Variants in LRRC53 observed in about 807,000 individuals in gnomAD.
LRRC53 encodes the protein leucine rich repeat containing 53.
A neutral mutation model predicts 13.6 loss-of-function variants in LRRC53; 25 were observed. The ratio of observed to expected loss-of-function variants is 1.83; its 90% confidence interval spans 1.34 to 2.56. The LOEUF (loss-of-function observed/expected upper bound fraction) is 2.56, where lower values mean the gene tolerates loss of function less well. Among genes scored for constraint, LRRC53 ranks in the 30% most tolerant of loss-of-function variants. The pLI is 0.00. For synonymous variants in LRRC53, 204 were observed against 109.8 expected (o/e 1.86, Z -5.37); for missense variants, 527 against 275.8 (o/e 1.91, Z -6.45).
At chr1:74,527,765 C>A in the LRRC53 span, among the ~76,000 whole-genome samples, 1 of 152,136 alleles carries the variant, frequency 6.6e-6, no homozygotes, top group African/African-American at 2.4e-5. Flanking sequence ...TTATCTCTTC[C>A]CTTCCCTTCA....
the LRRC53 span, among the ~76,000 whole-genome samples, chr1:74,519,642 A>G: frequency 4.3e-4 from 66 of 152,258 alleles, no homozygotes; most frequent in African/African-American, 1.5e-3. Flanking sequence ...TAGAGATAAA[A>G]ACTTCTAAGA....
Position 74,470,643 on chromosome 1 carries a change from A to G in LRRC53, c.2979T>C (p.Asp993=), listed in dbSNP as rs183576719. ...ENCIMDKEEN[D]VEKKLSKTET... is the part of the protein sequence containing the mutation. Reference sequence around the variant, plus strand: ...CTGTTTTTGAAAGTTTTTTTTCTACATCATTTTCTTCCTTATCCATAATAC... The same window carrying G: ...CTGTTTTTGAAAGTTTTTTTTCTACGTCATTTTCTTCCTTATCCATAATAC... Residue 993 remains aspartate (D), a synonymous_variant, in exon 5 of 5, where the codon GAT becomes GAC. Coordinates refer to ENST00000294635, the MANE Select transcript of LRRC53 (RefSeq NM_001382280.1). 2.5e-6 allele frequency: 1 copy of G among 400,630 alleles called. No individual in the cohort carries two copies. Among genetic ancestry groups the G allele is most frequent in the East Asian group, 3.6e-5 (1 of 28,068 alleles). The allele number at this position is 400,630 out of a possible 1,614,324, so 24.8% of individuals were successfully genotyped here.
At chr1:74,532,446 CTAT>C in the LRRC53 span, among the ~76,000 whole-genome samples, 176 of 136,692 alleles carry the variant, frequency 1.3e-3, no homozygotes, top group African/African-American at 4.5e-3. Flanking sequence ...TTGACACGTG[CTAT>C]TATTATTTTT....
At chr1:74,482,881 T>C (rs1299569888) in intron 2 of LRRC53, among the ~76,000 whole-genome samples, 2 of 152,204 alleles carry the variant, frequency 1.3e-5, no homozygotes, top group African/African-American at 4.8e-5. Flanking sequence ...TTAATCTTAC[T>C]AATGCTGAAC....
intron 4 of LRRC53, among the ~76,000 whole-genome samples, chr1:74,473,796 T>C (rs1016294129): frequency 6.6e-6 from 1 of 152,148 alleles, no homozygotes; most frequent in Non-Finnish European, 1.5e-5. Flanking sequence ...CAAATTATGT[T>C]GGGGAAAGAA....
At chr1:74,528,280 T>C in the LRRC53 span, among the ~76,000 whole-genome samples, 1 of 152,038 alleles carries the variant, frequency 6.6e-6, no homozygotes, top group African/African-American at 2.4e-5. Context: ...TGCAAGGGGC[T>C]GGAGCCTGAG....
chr1:74,498,690 T>C (rs950208362), intron 1 of LRRC53, among the ~76,000 whole-genome samples: 1 of 152,146 alleles, frequency 6.6e-6, no homozygotes, highest in Non-Finnish European at 1.5e-5. Flanking sequence ...CATCCAAAAA[T>C]AATGAACTAC....
chr1:74,506,578 TG>T (rs1477530339), intron 1 of LRRC53, among the ~76,000 whole-genome samples: 1 of 152,186 alleles, frequency 6.6e-6, no homozygotes, highest in Non-Finnish European at 1.5e-5. Flanking sequence ...ATTGGATGCT[TG>T]CTATTCAAGC....
the LRRC53 span, among the ~76,000 whole-genome samples, chr1:74,534,786 A>G: frequency 6.6e-6 from 1 of 152,178 alleles, no homozygotes; most frequent in Non-Finnish European, 1.5e-5. Flanking sequence ...TGCCAGCCTT[A>G]TACAACCTGT....
chr1:74,470,834 G>A lies in LRRC53; in HGVS notation c.2788C>T (p.Gln930Ter). ...TCAGTCTTGTGAGCATCTAAAAGTT[G>A]TGTTTGATTCCTCGGGGACAAAGAA... ...QFSLSPRNQT[Q>*]LLDAHKTDSY... The change falls in exon 5 of 5, where the codon CAA becomes TAA. Residue 930 changes from glutamine (Q) to a stop codon, truncating the protein, a stop_gained. Transcript: ENST00000294635. LOFTEE classifies it low-confidence loss of function (END_TRUNC). 1 of 400,626 alleles carries A rather than the reference G, an allele frequency of 2.5e-6. No homozygotes were observed. Among genetic ancestry groups the A allele is most frequent in the Non-Finnish European group, 4.4e-6 (1 of 226,176 alleles). 24.8% of individuals were successfully genotyped at this position (400,626 alleles called of 1,614,324 possible). A position where few individuals can be genotyped will look rare whatever the true frequency, so the allele number is the denominator to read the frequency against.
intron 1 of LRRC53, among the ~76,000 whole-genome samples, chr1:74,506,382 G>A (rs1480187948): frequency 6.6e-6 from 1 of 152,144 alleles, no homozygotes. Context: ...TTTGTAACTA[G>A]TAAACAGCAG....
At chr1:74,492,122 G>T in intron 1 of LRRC53, 1 of 1,610,134 alleles carries the variant, frequency 6.2e-7, no homozygotes, top group Non-Finnish European at 8.5e-7. Flanking sequence ...TCAAGTAACA[G>T]CAGTGGGTCT....
chr1:74,471,181 A>C lies in LRRC53; in HGVS notation c.2441T>G (p.Leu814Trp), dbSNP rs1378974524. The change falls in exon 5 of 5, where the codon TTG becomes TGG. Residue 814 changes from leucine to tryptophan, a missense_variant. Coordinates refer to ENST00000294635, the MANE Select transcript of LRRC53 (RefSeq NM_001382280.1). ...KRAPLLSANN[L>W]RVVNQSSIES... The stretch of plus-strand genomic sequence containing the variant: ...TATAGAGCTCTGGTTGACTACACGC[A>C]AGTTGTTAGCACTGAGCAGGGGGGC... 2.5e-6 allele frequency: 1 copy of C among 400,530 alleles called. No homozygotes were observed. Among genetic ancestry groups the C allele is most frequent in the East Asian group, 3.6e-5 (1 of 28,078 alleles). The allele number at this position is 400,530 out of a possible 1,614,324, so 24.8% of individuals were successfully genotyped here.
At chr1:74,483,783 A>G (rs1668617059) in intron 1 of LRRC53, among the ~76,000 whole-genome samples, 1 of 152,180 alleles carries the variant, frequency 6.6e-6, no homozygotes. Flanking sequence ...TATTTAACCA[A>G]GTCTTTTAAC....
upstream of LRRC53, chr1:74,512,646 A>C (rs905100794): frequency 6.6e-6 from 1 of 152,084 alleles, no homozygotes; most frequent in African/African-American, 2.4e-5. Flanking sequence ...CTTTATATGC[A>C]TCTCCACTCC....
At chr1:74,514,272 T>A (rs1646315199), upstream of LRRC53, among the ~76,000 whole-genome samples, 1 of 152,178 alleles carries the variant, frequency 6.6e-6, no homozygotes, top group Non-Finnish European at 1.5e-5. Context: ...TTTTAAAGCG[T>A]TTTCACACAA....
chr1:74,532,575 A>C, the LRRC53 span, among the ~76,000 whole-genome samples: 1 of 151,842 alleles, frequency 6.6e-6, no homozygotes, highest in African/African-American at 2.4e-5. Context: ...GCTGCACCCA[A>C]TAACTCGTCA....
the LRRC53 span, among the ~76,000 whole-genome samples, chr1:74,530,231 G>C: frequency 6.6e-6 from 1 of 152,178 alleles, no homozygotes; most frequent in Non-Finnish European, 1.5e-5. Context: ...CATTGTGCTT[G>C]ATAAAAAGCC....
chr1:74,475,927 G>A (rs975231875), intron 3 of LRRC53, 117 bp from the exon 4 acceptor site: 1 of 465,100 alleles, frequency 2.2e-6, no homozygotes, highest in Non-Finnish European at 3.8e-6. Flanking sequence ...AGAATGGGTA[G>A]GAAGTCCTTC....
Sources: allele counts gnomAD v4.1 joint callset (sites outside exome capture counted in the v4.1 genomes callset), GRCh38; gene constraint gnomAD v4.1.1; transcripts MANE v1.5; gene names NCBI Gene and HGNC (gene_info 2026-07-23, HGNC 2026-07-21).